XKR6: variants seen among roughly 807,000 people sequenced by gnomAD.
XKR6 encodes the protein XK related 6.
In XKR6, 22 loss-of-function variants were observed where a neutral mutation model predicts 56.7. The observed-to-expected ratio is 0.39, with a 90% CI of 0.28 to 0.55. The LOEUF (loss-of-function observed/expected upper bound fraction) is 0.55, where lower values mean the gene tolerates loss of function less well. Among genes scored for constraint, XKR6 ranks in the 20% least tolerant of loss-of-function variants. The pLI, the probability that XKR6 is intolerant of heterozygous loss-of-function variation, is 0.66. For missense variants in XKR6, 852 were observed against 889.0 expected (o/e 0.96, Z 0.53); for synonymous variants, 524 against 387.8 (o/e 1.35, Z -4.13).
At chr8:10,946,446 T>C (rs796955633) in intron 1 of XKR6, among the ~76,000 whole-genome samples, 8 of 152,210 alleles carry the variant, frequency 5.3e-5, no homozygotes, top group Admixed American at 2.0e-4. Flanking sequence ...TGAAACACTC[T>C]AGTGTCCTTT....
At chr8:11,122,601 TATTCTTTAGATATCAGGCCA>T (rs1314126324) in intron 1 of XKR6, among the ~76,000 whole-genome samples, 1 of 152,268 alleles carries the variant, frequency 6.6e-6, no homozygotes, top group Non-Finnish European at 1.5e-5. Flanking sequence ...GAAAATAAGA[TATTCTTTAGATATCAGGCCA>T]ATTCTTTAGG....
At chr8:10,979,976 C>T (rs1797690963) in intron 1 of XKR6, among the ~76,000 whole-genome samples, 3 of 152,242 alleles carry the variant, frequency 2.0e-5, no homozygotes, top group Admixed American at 6.5e-5. Flanking sequence ...CACACCACAA[C>T]CCAACCCTGC....
At chr8:11,024,204 G>GGGGGGTGT (rs1260231733) in intron 1 of XKR6, among the ~76,000 whole-genome samples, 8 of 136,810 alleles carry the variant, frequency 5.8e-5, no homozygotes, top group African/African-American at 2.1e-4. Context: ...CCTGTTAGGA[G>GGGGGGTGT]GTGTGTGTGT....
At chr8:11,196,305 A>G (rs977956149) in intron 1 of XKR6, among the ~76,000 whole-genome samples, 1 of 152,216 alleles carries the variant, frequency 6.6e-6, no homozygotes, top group Non-Finnish European at 1.5e-5. Flanking sequence ...CGCAACATAA[A>G]CATTATTTGT....
chr8:11,019,483 T>C (rs1586438469), intron 1 of XKR6, among the ~76,000 whole-genome samples: 1 of 152,208 alleles, frequency 6.6e-6, no homozygotes, highest in African/African-American at 2.4e-5. Context: ...GGTGGGCTGC[T>C]GGGCTGCCTC....
At chr8:11,102,126 A>C (rs964539295) in intron 1 of XKR6, among the ~76,000 whole-genome samples, 3 of 152,166 alleles carry the variant, frequency 2.0e-5, no homozygotes, top group African/African-American at 7.2e-5. Context: ...CCTTAAGACA[A>C]ACCTGTGGGT....
At chr8:11,006,028 G>C (rs1478701296) in intron 1 of XKR6, among the ~76,000 whole-genome samples, 3 of 151,904 alleles carry the variant, frequency 2.0e-5, no homozygotes, top group Non-Finnish European at 2.9e-5. Context: ...ACTTTCAGTA[G>C]AGACGGGGTT....
chr8:11,180,771 G>C (rs185276913), intron 1 of XKR6, among the ~76,000 whole-genome samples: 1 of 152,034 alleles, frequency 6.6e-6, no homozygotes, highest in Non-Finnish European at 1.5e-5. Flanking sequence ...GCCAGGTGTG[G>C]TGGCCTGCAC....
At chr8:11,092,051 C>T (rs1178201055) in intron 1 of XKR6, among the ~76,000 whole-genome samples, 4 of 152,182 alleles carry the variant, frequency 2.6e-5, no homozygotes, top group African/African-American at 7.2e-5. Context: ...AAAGGTACAA[C>T]TCCATTCTGC....
At chr8:11,015,480 C>T (rs1443400021) in intron 1 of XKR6, among the ~76,000 whole-genome samples, 1 of 152,148 alleles carries the variant, frequency 6.6e-6, no homozygotes, top group Non-Finnish European at 1.5e-5. Context: ...AAACCACCCC[C>T]CACCCCCACC....
At chr8:11,077,300 C>G (rs1373780481) in intron 1 of XKR6, among the ~76,000 whole-genome samples, 1 of 152,196 alleles carries the variant, frequency 6.6e-6, no homozygotes, top group Non-Finnish European at 1.5e-5. Context: ...TTGGGAGACT[C>G]ATTTCATTTT....
Position 11,161,763 on chromosome 8 carries a change from T to C in XKR6, c.764+38813A>G, listed in dbSNP as rs184947659. Among the ~76,000 whole-genome samples, 28 of 152,220 alleles carry C rather than the reference T, an allele frequency of 1.8e-4. No homozygotes were observed. In the East Asian group the frequency reaches 2.9e-3, roughly 16 times the overall value. Reference sequence around the variant, plus strand: ...CAGAAACTTTCTTATTATTGGTATTTTAATATTTAATATATTTGTAAAATT... The same window carrying C: ...CAGAAACTTTCTTATTATTGGTATTCTAATATTTAATATATTTGTAAAATT... On this transcript the variant is annotated intron_variant, in intron 1 of 2. Transcript: ENST00000416569.
chr8:11,037,227 A>G (rs1310718573), intron 1 of XKR6, among the ~76,000 whole-genome samples: 1 of 152,168 alleles, frequency 6.6e-6, no homozygotes, highest in Non-Finnish European at 1.5e-5. Context: ...CAAGAATTTT[A>G]ATACTTTTTT....
At chr8:11,148,301 G>A (rs1801095042) in intron 1 of XKR6, among the ~76,000 whole-genome samples, 1 of 152,166 alleles carries the variant, frequency 6.6e-6, no homozygotes, top group African/African-American at 2.4e-5. Context: ...TATAATAATA[G>A]GAAATTTGGA....
At chr8:10,906,009 T>G (rs369460139) in intron 2 of XKR6, among the ~76,000 whole-genome samples, 1 of 152,204 alleles carries the variant, frequency 6.6e-6, no homozygotes, top group African/African-American at 2.4e-5. Context: ...TCCTGATGAC[T>G]TCTATGAGCC....
chr8:10,919,382 C>T (rs766763604), intron 2 of XKR6, among the ~76,000 whole-genome samples: 7 of 152,330 alleles, frequency 4.6e-5, no homozygotes, highest in Non-Finnish European at 8.8e-5. Flanking sequence ...CTAACCATCA[C>T]GCGTTGTCTA....
At chr8:11,161,333 A>G (rs1801796812) in intron 1 of XKR6, among the ~76,000 whole-genome samples, 1 of 152,180 alleles carries the variant, frequency 6.6e-6, no homozygotes, top group Admixed American at 6.5e-5. Context: ...CTCAGTGTCC[A>G]TATCACAAAG....
intron 1 of XKR6, among the ~76,000 whole-genome samples, chr8:10,937,927 A>G (rs1020624879): frequency 2.0e-5 from 3 of 151,414 alleles, no homozygotes; most frequent in African/African-American, 4.8e-5. Flanking sequence ...GGTGGGCTCC[A>G]CCCAGTTCGA....
chr8:10,905,662 C>G (rs1361784675), intron 2 of XKR6, among the ~76,000 whole-genome samples: 2 of 152,222 alleles, frequency 1.3e-5, no homozygotes, highest in Non-Finnish European at 1.5e-5. Flanking sequence ...CCCTGGCCCC[C>G]TCCCTGCCTC....
Sources: allele counts gnomAD v4.1 joint callset (sites outside exome capture counted in the v4.1 genomes callset), GRCh38; gene constraint gnomAD v4.1.1; transcripts MANE v1.5; gene names NCBI Gene and HGNC (gene_info 2026-07-23, HGNC 2026-07-21).